Variants in SYT2 observed in about 807,000 individuals in gnomAD.
SYT2 encodes the protein synaptotagmin-2.
Under a neutral mutation model 39.9 loss-of-function variants are expected in SYT2, and 15 were observed. That is an observed-to-expected ratio of 0.38 (90% CI 0.25 to 0.58). SYT2 has a LOEUF of 0.58. Among genes scored for constraint, SYT2 ranks in the 20% least tolerant of loss-of-function variants. The pLI, the probability that SYT2 is intolerant of heterozygous loss-of-function variation, is 0.70. For synonymous variants in SYT2, 181 were observed against 204.5 expected (o/e 0.89, Z 0.98); for missense variants, 389 against 530.3 (o/e 0.73, Z 2.62).
At chr1:202,606,518 C>T (rs1690714212) in intron 1 of SYT2, among the ~76,000 whole-genome samples, 1 of 152,168 alleles carries the variant, frequency 6.6e-6, no homozygotes. Flanking sequence ...TCCTCCTGCC[C>T]CGCGAGACTC....
intron 1 of SYT2, among the ~76,000 whole-genome samples, chr1:202,647,196 A>G (rs949998221): frequency 2.0e-5 from 3 of 152,110 alleles, no homozygotes; most frequent in Admixed American, 2.0e-4. Context: ...CTCCCTTCCA[A>G]TGAGATGGCA....
chr1:202,702,081 G>C (rs1654136035), intron 1 of SYT2, among the ~76,000 whole-genome samples: 1 of 152,300 alleles, frequency 6.6e-6, no homozygotes, highest in South Asian at 2.1e-4. Flanking sequence ...CTCCAGGGGA[G>C]GCACGAAGAC....
rs138135811 is a variant in SYT2, at chr1:202,596,223, GACAC to G, written c.*530_*533del. ...AGGAATGAAGAGAGATGCTCAAAGA[GACAC>G]ACACACACACACATTCCAGGAATGA... On this transcript the variant is annotated 3_prime_UTR_variant, in exon 9 of 9. Coordinates refer to ENST00000367268, the MANE Select transcript of SYT2 (RefSeq NM_177402.5). 2.7e-5 allele frequency: 4 copies of G among 148,160 alleles called. No individual in the cohort carries two copies. The highest frequency in any genetic ancestry group is 4.5e-5 in the Non-Finnish European group (3 of 67,396). The allele number at this position is 148,160 out of a possible 1,614,324, so 9.2% of individuals were successfully genotyped here.
At chr1:202,700,851 C>G (rs955343352) in intron 1 of SYT2, among the ~76,000 whole-genome samples, 1 of 152,174 alleles carries the variant, frequency 6.6e-6, no homozygotes, top group African/African-American at 2.4e-5. Context: ...CTTTTCAGAT[C>G]ATTGTGGATA....
intron 8 of SYT2, among the ~76,000 whole-genome samples, chr1:202,597,659 A>C (rs1690345371): frequency 6.6e-6 from 1 of 152,110 alleles, no homozygotes; most frequent in African/African-American, 2.4e-5. Context: ...TGACGACTTT[A>C]AGAAAAGGAG....
chr1:202,604,276 C>T (rs1363735356), intron 3 of SYT2, 179 bp downstream of exon 3: 2 of 649,506 alleles, frequency 3.1e-6, no homozygotes, highest in Non-Finnish European at 5.4e-6. Context: ...ATAAGGCCCC[C>T]CCCTCCCAGG....
At chr1:202,662,565 C>T (rs140349708) in intron 1 of SYT2, among the ~76,000 whole-genome samples, 539 of 152,294 alleles carry the variant, frequency 3.5e-3, no homozygotes, top group South Asian at 0.018. Context: ...CAAGAGGCAA[C>T]GGATGGAGCG....
intron 1 of SYT2, among the ~76,000 whole-genome samples, chr1:202,643,752 C>A (rs942422030): frequency 6.6e-6 from 1 of 151,952 alleles, no homozygotes; most frequent in Non-Finnish European, 1.5e-5. Context: ...TTTAAACTGG[C>A]GCGGTCCTAC....
chr1:202,617,262 A>G (rs1445367745), intron 1 of SYT2, among the ~76,000 whole-genome samples: 3 of 152,172 alleles, frequency 2.0e-5, no homozygotes, highest in Non-Finnish European at 2.9e-5. Context: ...TCAAATTGTA[A>G]TCCCTGATGT....
intron 1 of SYT2, chr1:202,639,941 C>T (rs1356321390): frequency 8.3e-6 from 5 of 604,030 alleles, no homozygotes; most frequent in Non-Finnish European, 1.0e-5. Flanking sequence ...AAAAACCCAT[C>T]CCTTGTGCAT....
intron 1 of SYT2, among the ~76,000 whole-genome samples, chr1:202,699,190 T>G (rs1189036784): frequency 6.6e-6 from 1 of 151,930 alleles, no homozygotes; most frequent in Non-Finnish European, 1.5e-5. Context: ...CCAGCTAATT[T>G]TTTTTATTAT....
chr1:202,648,490 T>C (rs896492482), intron 1 of SYT2, among the ~76,000 whole-genome samples: 1 of 152,362 alleles, frequency 6.6e-6, no homozygotes, highest in East Asian at 1.9e-4. Context: ...TTTTCTCTGC[T>C]TTGCAGGTGA....
At position 202,700,688 on chromosome 1, in the gene SYT2, T is replaced by C. The variant is rs571968330; in HGVS notation, c.-18+9570A>G. On this transcript the variant is annotated intron_variant, in intron 1 of 8. Transcript: ENST00000367268. ...GCCTTGTTTCACATCATTGCAAATC[T>C]CTTTAATGTGTGGTTTACTAGAAGG... Among the ~76,000 whole-genome samples the C allele has an allele frequency of 1.2e-4, 18 of 152,348 alleles. No homozygotes were observed. In the East Asian group the frequency reaches 3.3e-3, roughly 28 times the overall value.
intron 1 of SYT2, among the ~76,000 whole-genome samples, chr1:202,688,626 A>G (rs1400225151): frequency 6.6e-6 from 1 of 152,190 alleles, no homozygotes; most frequent in Non-Finnish European, 1.5e-5. Flanking sequence ...CACGCCTGCG[A>G]TTTTACATGA....
At chr1:202,690,132 A>G (rs1286730106) in intron 1 of SYT2, among the ~76,000 whole-genome samples, 2 of 152,098 alleles carry the variant, frequency 1.3e-5, no homozygotes, top group East Asian at 3.8e-4. Context: ...CTCCCCCTGA[A>G]GGCAACCAAC....
chr1:202,678,887 AACT>A (rs1653453062), intron 1 of SYT2, among the ~76,000 whole-genome samples: 1 of 151,862 alleles, frequency 6.6e-6, no homozygotes, highest in South Asian at 2.1e-4. Flanking sequence ...CCCCCCACCC[AACT>A]ACTGACCCAA....
At chr1:202,649,299 TG>T (rs1363238687) in intron 1 of SYT2, among the ~76,000 whole-genome samples, 1 of 152,190 alleles carries the variant, frequency 6.6e-6, no homozygotes, top group East Asian at 1.9e-4. Flanking sequence ...GAAGCAGATC[TG>T]GGGGAGGCAA....
chr1:202,627,919 T>TAAGG (rs1691465238), intron 1 of SYT2, among the ~76,000 whole-genome samples: 1 of 152,076 alleles, frequency 6.6e-6, no homozygotes, highest in African/African-American at 2.4e-5. Context: ...AGGAGACAAC[T>TAAGG]AAGGCTCTGA....
At chr1:202,681,704 T>C (rs1229022064) in intron 1 of SYT2, among the ~76,000 whole-genome samples, 4 of 151,938 alleles carry the variant, frequency 2.6e-5, no homozygotes, top group Non-Finnish European at 5.9e-5. Flanking sequence ...CTTGGATGAC[T>C]CCCCAGCCAT....
Sources: allele counts gnomAD v4.1 joint callset (sites outside exome capture counted in the v4.1 genomes callset), GRCh38; gene constraint gnomAD v4.1.1; transcripts MANE v1.5; gene names NCBI Gene and HGNC (gene_info 2026-07-23, HGNC 2026-07-21).